The following ABCA12 variants were observed in gnomAD, a reference collection of about 807,000 sequenced individuals.
The protein encoded by ABCA12 is ATP binding cassette subfamily A member 12.
A neutral mutation model predicts 293.5 loss-of-function variants in ABCA12; 156 were observed. The observed-to-expected ratio is 0.53, with a 90% CI of 0.47 to 0.61. The LOEUF (loss-of-function observed/expected upper bound fraction) is 0.61, where lower values mean the gene tolerates loss of function less well. Among genes scored for constraint, ABCA12 ranks in the 20% least tolerant of loss-of-function variants. The probability of loss-of-function intolerance (pLI) is 0.00; values close to 1 mark genes in which losing one functional copy is unlikely to be tolerated. For missense variants in ABCA12, 2,797 were observed against 3,090.2 expected, an observed-to-expected ratio of 0.91 and a Z score of 2.25; for synonymous variants, 1,063 against 1,108.0, an observed-to-expected ratio of 0.96 and a Z score of 0.81.
intron 8 of ABCA12, among the ~76,000 whole-genome samples, chr2:215,033,929 A>G (rs1474407268): frequency 6.6e-6 from 1 of 152,116 alleles, no homozygotes; most frequent in Non-Finnish European, 1.5e-5. Flanking sequence ...CGACGGAGTG[A>G]GACTCCGTCT....
At chr2:214,992,638 G>A (rs1699943584) in intron 23 of ABCA12, among the ~76,000 whole-genome samples, 1 of 149,188 alleles carries the variant, frequency 6.7e-6, no homozygotes, top group South Asian at 2.1e-4. Flanking sequence ...GAGGCAAGCG[G>A]ATCACCTGAG....
At chr2:215,044,465 C>T (rs1177013666) in intron 7 of ABCA12, 1 of 152,134 alleles carries the variant, frequency 6.6e-6, no homozygotes, top group African/African-American at 2.4e-5. Flanking sequence ...CACCTGTTTG[C>T]TTCCTAAGAC....
chr2:214,997,493 A>G (rs577346872), intron 23 of ABCA12, among the ~76,000 whole-genome samples: 1 of 152,210 alleles, frequency 6.6e-6, no homozygotes, highest in African/African-American at 2.4e-5. Context: ...AAAAGCACTT[A>G]TTAAGTGACT....
chr2:215,075,782 T>C, intron 2 of ABCA12: 1 of 507,420 alleles, frequency 2.0e-6, no homozygotes, highest in Non-Finnish European at 3.5e-6. Flanking sequence ...ATCTTTTCAC[T>C]TGGAAATCTG....
At position 214,942,910 on chromosome 2, in the gene ABCA12, G is replaced by A. The variant is rs577863211; in HGVS notation, c.7436+15C>T. 385 of 1,606,914 alleles carry A rather than the reference G, an allele frequency of 2.4e-4. 4 individuals are homozygous for A. The South Asian group carries it at 4.0e-3, about 17-fold the overall frequency. On this transcript the variant is annotated intron_variant, in intron 50 of 52. Coordinates refer to ENST00000272895, the MANE Select transcript of ABCA12 (RefSeq NM_173076.3). The stretch of plus-strand genomic sequence containing the variant: ...GACCCAACACTATCTGTTAAGCAAT[G>A]CATTTGTTCTTCACCTGCTCTTTAT...
At chr2:215,054,755 A>G (rs1701387786) in intron 3 of ABCA12, 91 bp from the exon 4 acceptor site, 1 of 962,684 alleles carries the variant, frequency 1.0e-6, no homozygotes, top group Non-Finnish European at 1.7e-6. Flanking sequence ...GGGCTGTCTG[A>G]GGACTTTCAA....
intron 14 of ABCA12, among the ~76,000 whole-genome samples, chr2:215,016,582 CAAAAAAAAAAAA>C (rs71041981): frequency 1.7e-3 from 50 of 29,948 alleles, no homozygotes; most frequent in South Asian, 3.6e-3. Flanking sequence ...GACTCTGTCT[CAAAAAAAAAAAA>C]AAAAAAAAAA....
At chr2:215,061,737 G>C (rs1028519724) in intron 3 of ABCA12, among the ~76,000 whole-genome samples, 2 of 146,140 alleles carry the variant, frequency 1.4e-5, no homozygotes, top group Non-Finnish European at 3.0e-5. Context: ...ACTACCTGGA[G>C]GTAAAACTAA....
intron 2 of ABCA12, among the ~76,000 whole-genome samples, chr2:215,093,901 A>G (rs1413158762): frequency 1.3e-5 from 2 of 152,056 alleles, no homozygotes; most frequent in East Asian, 1.9e-4. Context: ...CATTTGCCCA[A>G]ATTTTCTTCT....
chr2:215,084,408 T>C (rs920518610), intron 2 of ABCA12, among the ~76,000 whole-genome samples: 1 of 152,218 alleles, frequency 6.6e-6, no homozygotes, highest in Admixed American at 6.5e-5. Flanking sequence ...GTCACAACAG[T>C]TGATTTTCTT....
chr2:214,939,938 A>G (rs1574922841), intron 50 of ABCA12, among the ~76,000 whole-genome samples: 1 of 152,172 alleles, frequency 6.6e-6, no homozygotes, highest in African/African-American at 2.4e-5. Flanking sequence ...CTCTCTTCCT[A>G]TTTGAATACC....
intron 2 of ABCA12, among the ~76,000 whole-genome samples, chr2:215,102,241 T>A (rs1050694077): frequency 2.5e-4 from 38 of 152,334 alleles, no homozygotes; most frequent in Admixed American, 1.2e-3. Context: ...CAGAAAAATC[T>A]ATAAACATTT....
At chr2:214,984,290 G>A (rs1346100257) in intron 28 of ABCA12, among the ~76,000 whole-genome samples, 1 of 151,892 alleles carries the variant, frequency 6.6e-6, no homozygotes, top group South Asian at 2.1e-4. Context: ...AGAGACGGGG[G>A]TTTCACTGTA....
chr2:215,130,124 T>C (rs1703021201), intron 1 of ABCA12, among the ~76,000 whole-genome samples: 1 of 152,208 alleles, frequency 6.6e-6, no homozygotes. Context: ...TTAGTTACCA[T>C]AGCCTTGTAG....
chr2:215,061,244 CA>C (rs1329682700), intron 3 of ABCA12, among the ~76,000 whole-genome samples: 5 of 151,888 alleles, frequency 3.3e-5, no homozygotes, highest in Non-Finnish European at 7.4e-5. Flanking sequence ...TTTTTTTAAA[CA>C]TCTCATCCTG....
chr2:214,997,887 A>G lies in ABCA12; in HGVS notation c.3180-78T>C. 3 of 854,838 alleles carry G rather than the reference A, an allele frequency of 3.5e-6. No homozygotes were observed. The South Asian group carries it at 4.3e-5, about 12-fold the overall frequency. The allele number at this position is 854,838 out of a possible 1,614,324, so 53.0% of individuals were successfully genotyped here. A position where few individuals can be genotyped will look rare whatever the true frequency, so the allele number is the denominator to read the frequency against. ...TTGCAGAGATTATAATATATAAAGA[A>G]CTCACTCTCTCTTACATTGAACTTA... On this transcript the variant is annotated intron_variant, in intron 22 of 52. Transcript: ENST00000272895.
At chr2:214,961,889 G>T (rs1208253107) in intron 39 of ABCA12, 1 of 152,166 alleles carries the variant, frequency 6.6e-6, no homozygotes, top group Admixed American at 6.5e-5. Flanking sequence ...GCTGGAATGA[G>T]TATTGGACTC....
At chr2:215,111,359 G>A (rs1157161893) in intron 2 of ABCA12, among the ~76,000 whole-genome samples, 4 of 152,090 alleles carry the variant, frequency 2.6e-5, no homozygotes, top group Admixed American at 1.3e-4. Flanking sequence ...TTTTATAAAG[G>A]CTAAAATATT....
intron 2 of ABCA12, chr2:215,075,579 C>T: frequency 1.4e-6 from 1 of 699,324 alleles, no homozygotes; most frequent in Non-Finnish European, 2.6e-6. Flanking sequence ...AAAATCTGGG[C>T]CATCCATCCA....
Sources: gnomAD v4.1 joint callset for allele counts (sites outside exome capture counted in the v4.1 genomes callset) on GRCh38, gnomAD v4.1.1 for gene constraint, MANE v1.5 for transcripts, NCBI Gene and HGNC (gene_info 2026-07-23, HGNC 2026-07-21) for gene names.